The following CYP4F12 variants were observed in gnomAD, a reference collection of about 807,000 sequenced individuals.
CYP4F12 encodes the protein cytochrome P450 family 4 subfamily F member 12, also known as cytochrome P450 4F12.
In CYP4F12, 60 loss-of-function variants were observed where a neutral mutation model predicts 56.5. That is an observed-to-expected ratio of 1.06 (90% CI 0.86 to 1.32). The LOEUF (loss-of-function observed/expected upper bound fraction) is 1.32. CYP4F12 is among the 40% of genes most tolerant of loss of function. The pLI, the probability that CYP4F12 is intolerant of heterozygous loss-of-function variation, is 0.00. For missense variants in CYP4F12, 711 were observed against 683.5 expected (o/e 1.04, Z -0.45); for synonymous variants, 263 against 264.9 (o/e 0.99, Z 0.07).
chr19:15,693,046 C>T (rs1407747225), intron 9 of CYP4F12, among the ~76,000 whole-genome samples: 1 of 152,106 alleles, frequency 6.6e-6, no homozygotes, highest in Admixed American at 6.5e-5. Context: ...TCACTGCACT[C>T]CAGCCTGAGC....
intron 2 of CYP4F12, 113 bp from the exon 3 acceptor site, chr19:15,678,148 C>T (rs937353685): frequency 5.1e-6 from 7 of 1,373,954 alleles, no homozygotes; most frequent in Non-Finnish European, 6.1e-6. Flanking sequence ...AACACCCTCA[C>T]AGACACACAC....
rs1199047981 is a variant in CYP4F12, at chr19:15,683,621, C to A, written c.776C>A (p.Ala259Asp). 1.2e-6 allele frequency: 2 copies of A among 1,614,082 alleles called. No individual in the cohort carries two copies. Among genetic ancestry groups the A allele is most frequent in the Non-Finnish European group, 1.7e-6 (2 of 1,180,038 alleles). ...LSHDGRRFHR[A>D]CRLVHDFTDA... The stretch of plus-strand genomic sequence containing the variant: ...CATGACGGGCGGCGCTTCCACAGGG[C>A]CTGCCGCCTGGTGCATGACTTCACA... The change falls in exon 7 of 13, where the codon GCC becomes GAC. Residue 259 changes from alanine to aspartate, a missense_variant. Ala to Asp is a moderately radical substitution (Grantham distance 126). Transcript: ENST00000550308.
At position 15,689,198 on chromosome 19, in the gene CYP4F12, C is replaced by T. The variant is rs553334087; in HGVS notation, c.1115+4001C>T. 5.3e-5 allele frequency among the ~76,000 whole-genome samples: 8 copies of T among 151,922 alleles called. No homozygotes were observed. In the South Asian group the frequency reaches 1.7e-3, roughly 31 times the overall value. ...TGGGGGAAAATATTTGCAAACTATG[C>T]ATCTGACAAAGGGCTAGTATCCAGA... On this transcript the variant is annotated intron_variant, in intron 9 of 12. Coordinates refer to ENST00000550308, the MANE Select transcript of CYP4F12 (RefSeq NM_023944.4).
intron 1 of CYP4F12, 170 bp downstream of exon 1, chr19:15,673,305 C>T (rs555322617): frequency 1.9e-5 from 11 of 583,740 alleles, no homozygotes; most frequent in South Asian, 1.8e-5. Context: ...GGACTCTAAT[C>T]GGCCCATCTC....
intron 7 of CYP4F12, chr19:15,684,024 A>G: frequency 3.1e-6 from 1 of 318,678 alleles, no homozygotes; most frequent in Non-Finnish European, 5.7e-6. Flanking sequence ...ATGTGTATCT[A>G]TATGTCTATG....
chr19:15,683,933 G>A, intron 7 of CYP4F12, 170 bp downstream of exon 7: 3 of 718,908 alleles, frequency 4.2e-6, no homozygotes, highest in Non-Finnish European at 6.4e-6. Flanking sequence ...GCAGCCCACA[G>A]GGCACTGCTA....
chr19:15,673,343 A>C, intron 1 of CYP4F12, 186 bp from the exon 2 acceptor site: 1 of 619,700 alleles, frequency 1.6e-6, no homozygotes. Context: ...TTACCAGGTT[A>C]CTGGAGGCCA....
intron 9 of CYP4F12, among the ~76,000 whole-genome samples, chr19:15,692,777 G>A (rs1394186919): frequency 1.3e-5 from 2 of 152,114 alleles, no homozygotes; most frequent in African/African-American, 4.8e-5. Context: ...ACTGTTAAAT[G>A]AGAGAAAAGA....
chr19:15,685,345 A>G, intron 9 of CYP4F12, 148 bp downstream of exon 9: 1 of 1,312,266 alleles, frequency 7.6e-7, no homozygotes, highest in South Asian at 1.6e-5. Context: ...CTTGATACCA[A>G]GCCTGGCTGT....
rs59302543 is a variant in CYP4F12, at chr19:15,696,036, A to G, written c.1216A>G (p.Ile406Val). The change falls in exon 10 of 13, where the codon ATT (isoleucine) becomes GTT (valine). Residue 406 changes from isoleucine to valine, a missense_variant. Coordinates refer to ENST00000550308, the MANE Select transcript of CYP4F12 (RefSeq NM_023944.4). ...PFISRCCTQDIVLPDGRVIPK... is the reference protein window; with the variant it reads ...PFISRCCTQDVVLPDGRVIPK... ...CATCTCCCGATGCTGCACCCAGGAC[A>G]TTGTTCTCCCAGATGGCCGAGTCAT... 1.3e-3 allele frequency: 2,029 copies of G among 1,613,834 alleles called. 21 individuals are homozygous for G. The African/African-American group carries it at 0.023, about 18-fold the overall frequency.
At chr19:15,676,949 CTCCTCACTCACTCATTCCTG>C (rs2006968648) in intron 2 of CYP4F12, among the ~76,000 whole-genome samples, 2 of 131,402 alleles carry the variant, frequency 1.5e-5, no homozygotes, top group African/African-American at 3.3e-5. Flanking sequence ...ACTCATTCCT[CTCCTCACTCACTCATTCCTG>C]TGCCCATTCA....
intron 2 of CYP4F12, 109 bp from the exon 3 acceptor site, chr19:15,678,152 C>G (rs1476594687): frequency 4.3e-6 from 6 of 1,392,448 alleles, no homozygotes; most frequent in Non-Finnish European, 6.0e-6. Context: ...CCCTCACAGA[C>G]ACACACAGCA....
Position 15,683,684 on chromosome 19 carries a change from C to T in CYP4F12, c.839C>T (p.Thr280Ile). ...CGGGAGCGGCGTCGCACCCTCCCCA[C>T]TCAGGGTATTGATGATTTTTTCAAA... ...VIRERRRTLP[T>I]QGIDDFFKDK... is the part of the protein sequence containing the mutation. The change falls in exon 7 of 13, where the codon ACT becomes ATT. Residue 280 changes from threonine to isoleucine, a missense_variant. Physicochemically the swap from Thr to Ile is moderately conservative, Grantham distance 89. Transcript: ENST00000550308. 6.2e-7 allele frequency: 1 copy of T among 1,612,464 alleles called. No homozygotes were observed. Among genetic ancestry groups the T allele is most frequent in the Non-Finnish European group, 8.5e-7 (1 of 1,179,342 alleles).
chr19:15,696,615 A>C, intron 12 of CYP4F12, 103 bp downstream of exon 12: 1 of 1,357,552 alleles, frequency 7.4e-7, no homozygotes. Context: ...CCTTCCCTCC[A>C]TTCCTTCACA....
intron 9 of CYP4F12, among the ~76,000 whole-genome samples, chr19:15,691,156 C>A (rs905684954): frequency 1.3e-5 from 2 of 152,192 alleles, no homozygotes; most frequent in African/African-American, 2.4e-5. Flanking sequence ...TTCTGGTCTG[C>A]ATTGTGTGAC....
At chr19:15,684,688 G>C (rs2007502368) in intron 7 of CYP4F12, 128 bp from the exon 8 acceptor site, 3 of 959,882 alleles carry the variant, frequency 3.1e-6, no homozygotes, top group Non-Finnish European at 4.7e-6. Flanking sequence ...GTGCATTTGA[G>C]TTTCTGGAAG....
intron 1 of CYP4F12, 107 bp from the exon 2 acceptor site, chr19:15,673,422 C>A (rs2006723124): frequency 7.8e-7 from 1 of 1,278,370 alleles, no homozygotes; most frequent in South Asian, 1.3e-5. Context: ...CACCCCTGAG[C>A]CCTCCCTGCC....
At chr19:15,696,664 T>A in intron 12 of CYP4F12, 152 bp downstream of exon 12, 1 of 1,099,638 alleles carries the variant, frequency 9.1e-7, no homozygotes, top group Non-Finnish European at 1.3e-6. Flanking sequence ...GATGAGTAGG[T>A]CCTAGAGGGG....
rs59302543 is a variant in CYP4F12, at chr19:15,696,036, A to C, written c.1216A>C (p.Ile406Leu). 2 of 1,613,838 alleles carry C rather than the reference A, an allele frequency of 1.2e-6. No individual in the cohort carries two copies. The highest frequency in any genetic ancestry group is 2.2e-5 in the South Asian group (2 of 91,074). ...CATCTCCCGATGCTGCACCCAGGAC[A>C]TTGTTCTCCCAGATGGCCGAGTCAT... ...PFISRCCTQD[I>L]VLPDGRVIPK... The change falls in exon 10 of 13, where the codon ATT becomes CTT. Residue 406 changes from isoleucine (I) to leucine (L), a missense_variant. By Grantham distance (5) the Ile-to-Leu change is conservative. Coordinates refer to ENST00000550308, the MANE Select transcript of CYP4F12 (RefSeq NM_023944.4).
Sources: allele counts gnomAD v4.1 joint callset (sites outside exome capture counted in the v4.1 genomes callset), GRCh38; gene constraint gnomAD v4.1.1; transcripts MANE v1.5; gene names NCBI Gene and HGNC (gene_info 2026-07-23, HGNC 2026-07-21).